Variants in NCKAP5 observed in about 807,000 individuals in gnomAD.
NCKAP5 encodes the protein nck-associated protein 5.
In NCKAP5, 92 loss-of-function variants were observed where a neutral mutation model predicts 167.0. The observed-to-expected ratio is 0.55, with a 90% CI of 0.47 to 0.66. The LOEUF (loss-of-function observed/expected upper bound fraction) is 0.66. NCKAP5 is among the 30% of genes least tolerant of loss of function. NCKAP5 has a pLI of 0.00. For synonymous variants in NCKAP5, 891 were observed against 877.4 expected (o/e 1.02, Z -0.27); for missense variants, 2,378 against 2,315.0 (o/e 1.03, Z -0.56).
chr2:132,708,888 G>A (rs888513377), intron 19 of NCKAP5, among the ~76,000 whole-genome samples: 1 of 151,946 alleles, frequency 6.6e-6, no homozygotes, highest in African/African-American at 2.4e-5. Flanking sequence ...ATTTTCTCTA[G>A]GGTGTCCATT....
intron 5 of NCKAP5, among the ~76,000 whole-genome samples, chr2:133,189,505 C>T (rs1461530720): frequency 6.6e-6 from 1 of 152,152 alleles, no homozygotes; most frequent in Non-Finnish European, 1.5e-5. Context: ...AGACCAATAT[C>T]CCTGATGAAC....
intron 4 of NCKAP5, among the ~76,000 whole-genome samples, chr2:133,295,728 C>T (rs985597236): frequency 6.6e-6 from 1 of 152,162 alleles, no homozygotes; most frequent in Admixed American, 6.5e-5. Context: ...ACATCCTCCC[C>T]TACAATGAAG....
chr2:133,312,240 C>T (rs1182211214), intron 3 of NCKAP5, among the ~76,000 whole-genome samples: 1 of 152,176 alleles, frequency 6.6e-6, no homozygotes, highest in Non-Finnish European at 1.5e-5. Flanking sequence ...CATTGAAAAG[C>T]CTCGTGACCT....
chr2:133,279,620 C>G (rs972461211), intron 4 of NCKAP5, among the ~76,000 whole-genome samples: 8 of 152,150 alleles, frequency 5.3e-5, no homozygotes, highest in Non-Finnish European at 1.2e-4. Context: ...AATTAAACCT[C>G]TATGACAATG....
chr2:133,021,664 C>T (rs2078532814), intron 6 of NCKAP5, among the ~76,000 whole-genome samples: 1 of 152,162 alleles, frequency 6.6e-6, no homozygotes, highest in African/African-American at 2.4e-5. Context: ...CAGAGTCTTG[C>T]TCTGTCGCCC....
At chr2:133,489,452 T>A (rs895343310) in intron 3 of NCKAP5, among the ~76,000 whole-genome samples, 2 of 152,206 alleles carry the variant, frequency 1.3e-5, no homozygotes, top group African/African-American at 4.8e-5. Context: ...TCAGAAGGAT[T>A]CATGTGAGTT....
chr2:133,346,646 C>A (rs1207805151), intron 3 of NCKAP5, among the ~76,000 whole-genome samples: 1 of 152,156 alleles, frequency 6.6e-6, no homozygotes, highest in African/African-American at 2.4e-5. Flanking sequence ...GCAAAGTGGC[C>A]CACGCAAGGA....
intron 2 of NCKAP5, among the ~76,000 whole-genome samples, chr2:133,553,536 C>T (rs1328367817): frequency 6.6e-6 from 1 of 152,004 alleles, no homozygotes; most frequent in Non-Finnish European, 1.5e-5. Context: ...GGATCTGAAG[C>T]AGGGCCTCTA....
At chr2:133,032,261 G>A (rs1224633660) in intron 6 of NCKAP5, among the ~76,000 whole-genome samples, 1 of 152,138 alleles carries the variant, frequency 6.6e-6, no homozygotes, top group African/African-American at 2.4e-5. Flanking sequence ...CCCAGGCCAG[G>A]CAGCATTTAC....
intron 8 of NCKAP5, among the ~76,000 whole-genome samples, chr2:132,888,288 TA>T (rs1692412906): frequency 6.6e-6 from 1 of 152,238 alleles, no homozygotes; most frequent in Non-Finnish European, 1.5e-5. Flanking sequence ...ATGTATCTTT[TA>T]AAAATATTAT....
At chr2:133,299,179 G>A (rs1046494030) in intron 4 of NCKAP5, among the ~76,000 whole-genome samples, 2 of 152,014 alleles carry the variant, frequency 1.3e-5, no homozygotes, top group African/African-American at 4.8e-5. Context: ...TGTAATCAGA[G>A]GTCTGTCTTC....
At chr2:132,757,231 T>C (rs1680626306) in intron 16 of NCKAP5, among the ~76,000 whole-genome samples, 1 of 152,200 alleles carries the variant, frequency 6.6e-6, no homozygotes, top group South Asian at 2.1e-4. Flanking sequence ...GATAAGATGA[T>C]TGCTAAATGA....
upstream of NCKAP5, among the ~76,000 whole-genome samples, chr2:133,572,036 C>T (rs533246086): frequency 6.6e-6 from 1 of 151,808 alleles, no homozygotes; most frequent in African/African-American, 2.4e-5. Context: ...ATTATCTTCA[C>T]TCACCTTTCA....
the NCKAP5 span, among the ~76,000 whole-genome samples, chr2:133,647,754 A>G: frequency 7.2e-5 from 10 of 138,936 alleles, no homozygotes; most frequent in Non-Finnish European, 9.8e-5. Context: ...GGAAGGAAAG[A>G]AAAGAAAAGA....
At position 133,517,453 on chromosome 2, in the gene NCKAP5, C is replaced by T; in HGVS notation, c.69+5G>A. 6.8e-7 allele frequency: 1 copy of T among 1,473,228 alleles called. No homozygotes were observed. The highest frequency in any genetic ancestry group is 9.1e-7 in the Non-Finnish European group (1 of 1,100,594). The allele number at this position is 1,473,228 out of a possible 1,614,324, so 91.3% of individuals were successfully genotyped here. A position where few individuals can be genotyped will look rare whatever the true frequency, so the allele number is the denominator to read the frequency against. On this transcript the variant is annotated splice_donor_5th_base_variant and intron_variant, in intron 3 of 19. Coordinates refer to ENST00000409261, the MANE Select transcript of NCKAP5 (RefSeq NM_207363.3). ...TAGAGTGGTAAATGAATATTTAGTA[C>T]TTACCACAAGACTGCTGTCTAGAGA...
chr2:133,532,282 A>G (rs1685431596), intron 2 of NCKAP5, among the ~76,000 whole-genome samples: 1 of 152,198 alleles, frequency 6.6e-6, no homozygotes, highest in South Asian at 2.1e-4. Context: ...CCATTTTCAC[A>G]TTGCAAACAG....
At chr2:133,388,179 AC>A (rs1314048931) in intron 3 of NCKAP5, among the ~76,000 whole-genome samples, 1 of 150,386 alleles carries the variant, frequency 6.6e-6, no homozygotes, top group Non-Finnish European at 1.5e-5. Flanking sequence ...GGTTTTATCT[AC>A]CTTTGGTCTT....
At chr2:133,362,005 A>T (rs936832947) in intron 3 of NCKAP5, among the ~76,000 whole-genome samples, 8 of 143,632 alleles carry the variant, frequency 5.6e-5, no homozygotes, top group African/African-American at 2.1e-4. Context: ...AAATCTGTTT[A>T]AAAAATGAAA....
the NCKAP5 span, among the ~76,000 whole-genome samples, chr2:133,669,794 T>C: frequency 1.3e-5 from 2 of 152,358 alleles, no homozygotes; most frequent in South Asian, 4.1e-4. Flanking sequence ...ATACCTTCTT[T>C]ATACTCTTCA....
Sources: gnomAD v4.1 joint callset for allele counts (sites outside exome capture counted in the v4.1 genomes callset) on GRCh38, gnomAD v4.1.1 for gene constraint, MANE v1.5 for transcripts, NCBI Gene and HGNC (gene_info 2026-07-23, HGNC 2026-07-21) for gene names.